The following SIK2 variants were observed in gnomAD, a reference collection of about 807,000 sequenced individuals.
SIK2 encodes serine/threonine-protein kinase SIK2.
A neutral mutation model predicts 103.2 loss-of-function variants in SIK2; 29 were observed. That is an observed-to-expected ratio of 0.28 (90% confidence interval 0.21 to 0.38). SIK2 has a LOEUF of 0.38. Ranked by LOEUF, SIK2 falls within the 10% of genes least tolerant of loss-of-function variation. SIK2 has a pLI of 1.00. For synonymous variants in SIK2, 412 were observed against 446.1 expected (o/e 0.92, Z 0.96); for missense variants, 879 against 1,171.0 (o/e 0.75, Z 3.64).
At chr11:111,672,173 T>C in intron 3 of SIK2, 1 of 430,880 alleles carries the variant, frequency 2.3e-6, no homozygotes, top group Non-Finnish European at 4.4e-6. Context: ...CTTAGCAGGC[T>C]CTGGTTTACC....
intron 3 of SIK2, among the ~76,000 whole-genome samples, chr11:111,630,670 G>A (rs1034064677): frequency 2.6e-5 from 4 of 152,118 alleles, no homozygotes; most frequent in Admixed American, 2.6e-4. Context: ...GTAGAAGAGT[G>A]GCTTGGGAAA....
intron 4 of SIK2, among the ~76,000 whole-genome samples, chr11:111,697,731 C>T (rs187878132): frequency 6.6e-6 from 1 of 152,274 alleles, no homozygotes; most frequent in East Asian, 1.9e-4. Context: ...GTGGCTCACA[C>T]CTGTAATCCC....
chr11:111,729,531 T>A lies in SIK2; in HGVS notation c.*5402T>A, dbSNP rs371154365. 5.3e-5 allele frequency: 8 copies of A among 152,374 alleles called. No homozygotes were observed. The highest frequency in any genetic ancestry group is 1.9e-4 in the African/African-American group (8 of 41,588). 9.4% of individuals were successfully genotyped at this position (152,374 alleles called of 1,614,324 possible). On this transcript the variant is annotated 3_prime_UTR_variant, in exon 15 of 15. Transcript: ENST00000304987. ...ACTTCTCTGAGATCACAGCTGGTGA[T>A]AGAAGGAGCTGGGACACGCGCTTGG... is the stretch of plus-strand genomic sequence containing the variant.
At chr11:111,647,982 TATC>T (rs892874497) in intron 3 of SIK2, among the ~76,000 whole-genome samples, 1 of 152,194 alleles carries the variant, frequency 6.6e-6, no homozygotes, top group African/African-American at 2.4e-5. Context: ...ATTCCATTTT[TATC>T]ATATAGTAAA....
intron 4 of SIK2, among the ~76,000 whole-genome samples, chr11:111,698,768 C>G (rs1166535141): frequency 6.6e-6 from 1 of 152,212 alleles, no homozygotes; most frequent in African/African-American, 2.4e-5. Context: ...AGAGTATCCT[C>G]AATTTACAGG....
At chr11:111,615,873 C>T (rs1231449437) in intron 1 of SIK2, among the ~76,000 whole-genome samples, 1 of 152,164 alleles carries the variant, frequency 6.6e-6, no homozygotes, top group Admixed American at 6.5e-5. Flanking sequence ...TTCTACTTTG[C>T]TGATCATTTG....
At chr11:111,677,292 A>G (rs1241811459) in intron 3 of SIK2, among the ~76,000 whole-genome samples, 1 of 152,192 alleles carries the variant, frequency 6.6e-6, no homozygotes, top group African/African-American at 2.4e-5. Flanking sequence ...AAACCCAGCT[A>G]TTGTTCTGGA....
intron 1 of SIK2, among the ~76,000 whole-genome samples, chr11:111,605,802 T>C (rs1330058639): frequency 6.6e-6 from 1 of 152,240 alleles, no homozygotes; most frequent in Non-Finnish European, 1.5e-5. Context: ...GAGATCTTCG[T>C]TTTGGTCGAA....
chr11:111,676,171 G>A (rs573207625), intron 3 of SIK2, among the ~76,000 whole-genome samples: 16 of 152,224 alleles, frequency 1.1e-4, no homozygotes, highest in East Asian at 1.9e-4. Flanking sequence ...ATTTATGGGC[G>A]TCTAGGTTGA....
At chr11:111,675,103 T>C (rs1048490909) in intron 3 of SIK2, among the ~76,000 whole-genome samples, 6 of 152,180 alleles carry the variant, frequency 3.9e-5, no homozygotes, top group Non-Finnish European at 4.4e-5. Flanking sequence ...GTGGCTTACA[T>C]CAACAGATAT....
intron 3 of SIK2, among the ~76,000 whole-genome samples, chr11:111,669,903 A>C (rs1006996897): frequency 1.3e-5 from 2 of 152,144 alleles, no homozygotes; most frequent in African/African-American, 4.8e-5. Flanking sequence ...ACCTTTTTTA[A>C]TACTTTTTTA....
intron 3 of SIK2, among the ~76,000 whole-genome samples, 170 bp from the exon 4 acceptor site, chr11:111,687,831 T>A (rs1942867701): frequency 6.6e-6 from 1 of 151,996 alleles, no homozygotes; most frequent in Admixed American, 6.6e-5. Context: ...GGTCTCGATC[T>A]CCTGACCTCG....
At chr11:111,665,213 T>C (rs1231229970) in intron 3 of SIK2, among the ~76,000 whole-genome samples, 1 of 151,514 alleles carries the variant, frequency 6.6e-6, no homozygotes, top group Non-Finnish European at 1.5e-5. Context: ...TAGGAGATAT[T>C]AGAATCAACA....
In SIK2 at chr11:111,712,201, A is replaced by G. The variant is rs774999514; in HGVS notation, c.1102-10A>G. ...TGTTCCCAAACTGTCTGTTCTTGCC[A>G]TATTTACAGGCACAGACTGTGGGGC... is the stretch of plus-strand genomic sequence containing the variant. On this transcript the variant is annotated splice_polypyrimidine_tract_variant and intron_variant, in intron 8 of 14. Coordinates refer to ENST00000304987, the MANE Select transcript of SIK2 (RefSeq NM_015191.3). 21 of 1,613,186 alleles carry G rather than the reference A, an allele frequency of 1.3e-5. No homozygotes were observed. The highest frequency in any genetic ancestry group is 1.7e-5 in the Non-Finnish European group (20 of 1,179,570).
chr11:111,643,292 C>T (rs894853715), intron 3 of SIK2, among the ~76,000 whole-genome samples: 2 of 152,166 alleles, frequency 1.3e-5, no homozygotes, highest in African/African-American at 4.8e-5. Flanking sequence ...GAACAACACA[C>T]ACCAGGGCCT....
intron 12 of SIK2, among the ~76,000 whole-genome samples, chr11:111,721,443 G>A (rs1943798653): frequency 6.6e-6 from 1 of 152,160 alleles, no homozygotes; most frequent in South Asian, 2.1e-4. Flanking sequence ...TTTTGATGTG[G>A]TATCACTTTA....
intron 4 of SIK2, among the ~76,000 whole-genome samples, chr11:111,695,199 C>A (rs1234820361): frequency 6.6e-6 from 1 of 152,266 alleles, no homozygotes; most frequent in East Asian, 1.9e-4. Context: ...TTCATCGAGG[C>A]TGGGTAGCTG....
intron 3 of SIK2, among the ~76,000 whole-genome samples, chr11:111,673,792 A>G (rs1009742601): frequency 4.6e-5 from 7 of 152,206 alleles, no homozygotes; most frequent in Non-Finnish European, 8.8e-5. Context: ...ATCCTCAGAG[A>G]GGCTGGGCGT....
At chr11:111,612,339 G>A (rs949287479) in intron 1 of SIK2, among the ~76,000 whole-genome samples, 1 of 152,164 alleles carries the variant, frequency 6.6e-6, no homozygotes, top group Admixed American at 6.5e-5. Flanking sequence ...CTGTGCAGTT[G>A]TGAAAGTCAT....
Sources: allele counts gnomAD v4.1 joint callset (sites outside exome capture counted in the v4.1 genomes callset), GRCh38; gene constraint gnomAD v4.1.1; transcripts MANE v1.5; gene names NCBI Gene and HGNC (gene_info 2026-07-23, HGNC 2026-07-21).